The following BCAS2 variants were observed in gnomAD, a reference collection of about 807,000 sequenced individuals.
The protein encoded by BCAS2 is BCAS2 pre-mRNA processing factor.
In BCAS2, 34 loss-of-function variants were observed where a neutral mutation model predicts 35.3. The observed-to-expected ratio is 0.96, with a 90% CI of 0.73 to 1.28. BCAS2 has a LOEUF of 1.28. Ranked by LOEUF, BCAS2 falls within the 50% of genes most tolerant of loss-of-function variation. The probability of loss-of-function intolerance (pLI) is 0.00; values close to 1 mark genes in which losing one functional copy is unlikely to be tolerated. For missense variants in BCAS2, 221 were observed against 268.1 expected (o/e 0.82, Z 1.23); for synonymous variants, 75 against 91.6 (o/e 0.82, Z 1.03).
chr1:114,577,696 C>T (rs1315027782), intron 2 of BCAS2, among the ~76,000 whole-genome samples: 1 of 152,186 alleles, frequency 6.6e-6, no homozygotes, highest in Non-Finnish European at 1.5e-5. Flanking sequence ...TGTAGTATAG[C>T]TGTTCCTCTT....
At position 114,568,003 on chromosome 1, in the gene BCAS2, T is replaced by C; in HGVS notation, c.*127A>G. The C allele has an allele frequency of 1.6e-6, 2 of 1,277,710 alleles. No individual in the cohort carries two copies. Among genetic ancestry groups the C allele is most frequent in the Non-Finnish European group, 2.2e-6 (2 of 915,704 alleles). 79.1% of individuals were successfully genotyped at this position (1,277,710 alleles called of 1,614,324 possible). Reference sequence around the variant, plus strand: ...TAGAATTACCACAGCAGCCTACACCTTCTATGATTTCTAAACACTTAAACA... The same window carrying C: ...TAGAATTACCACAGCAGCCTACACCCTCTATGATTTCTAAACACTTAAACA... On this transcript the variant is annotated 3_prime_UTR_variant, in exon 7 of 7. Coordinates refer to ENST00000369541, the MANE Select transcript of BCAS2 (RefSeq NM_005872.3).
chr1:114,573,475 C>T (rs968360735), intron 4 of BCAS2, among the ~76,000 whole-genome samples: 1 of 152,096 alleles, frequency 6.6e-6, no homozygotes, highest in African/African-American at 2.4e-5. Flanking sequence ...TCAAGTGATC[C>T]TCCTGTCTCA....
intron 2 of BCAS2, among the ~76,000 whole-genome samples, chr1:114,577,070 C>T (rs1654785913): frequency 1.3e-5 from 2 of 152,122 alleles, no homozygotes; most frequent in Non-Finnish European, 2.9e-5. Flanking sequence ...AATGTTTGTC[C>T]CCTCTGAAAT....
chr1:114,574,901 G>A (rs769324455), intron 4 of BCAS2, among the ~76,000 whole-genome samples: 19 of 151,888 alleles, frequency 1.3e-4, no homozygotes, highest in Non-Finnish European at 2.5e-4. Context: ...ATGGAGTCTC[G>A]CTCTGTCACT....
At chr1:114,580,920 T>C (rs940809385) in intron 2 of BCAS2, among the ~76,000 whole-genome samples, 2 of 152,226 alleles carry the variant, frequency 1.3e-5, no homozygotes, top group Admixed American at 1.3e-4. Context: ...GACTTTAATA[T>C]GCCACTCTCC....
Position 114,581,599 on chromosome 1 carries a change from A to C in BCAS2, c.-8T>G. Reference sequence around the variant, plus strand: ...CAAACCTGTGCCCGCCATTCTGAGGACCTCAGGTTTGCCTGCGTTTTCTGC... The same window carrying C: ...CAAACCTGTGCCCGCCATTCTGAGGCCCTCAGGTTTGCCTGCGTTTTCTGC... On this transcript the variant is annotated 5_prime_UTR_variant, in exon 1 of 7. Transcript: ENST00000369541. The C allele has an allele frequency of 6.2e-7, 1 of 1,612,916 alleles. No individual in the cohort carries two copies. Among genetic ancestry groups the C allele is most frequent in the South Asian group, 1.1e-5 (1 of 91,016 alleles).
chr1:114,568,755 C>CTTTTT (rs67319421), intron 6 of BCAS2, among the ~76,000 whole-genome samples: 6 of 83,226 alleles, frequency 7.2e-5, no homozygotes, highest in African/African-American at 4.5e-5. Flanking sequence ...TCTCTGTATT[C>CTTTTT]TTTTTTTTTT....
chr1:114,574,609 TA>T (rs1654716555), intron 4 of BCAS2, among the ~76,000 whole-genome samples: 1 of 152,222 alleles, frequency 6.6e-6, no homozygotes, highest in Non-Finnish European at 1.5e-5. Context: ...AACCCATGAC[TA>T]ATGAGAATCA....
At chr1:114,576,789 AG>A (rs754575699) in intron 2 of BCAS2, 31 bp from the exon 3 acceptor site, 1 of 1,542,628 alleles carries the variant, frequency 6.5e-7, no homozygotes, top group African/African-American at 1.4e-5. Flanking sequence ...AAGATTTCTA[AG>A]ATCATGTTGA....
intron 2 of BCAS2, 104 bp downstream of exon 2, chr1:114,581,195 T>G: frequency 9.0e-7 from 1 of 1,113,722 alleles, no homozygotes; most frequent in Non-Finnish European, 1.4e-6. Flanking sequence ...AGTAGGTAAG[T>G]AGTAGCTATG....
intron 6 of BCAS2, among the ~76,000 whole-genome samples, chr1:114,568,632 G>A (rs1033254188): frequency 6.6e-6 from 1 of 151,336 alleles, no homozygotes; most frequent in Non-Finnish European, 1.5e-5. Flanking sequence ...CTCCTAATGT[G>A]CTGGGATTAC....
intron 4 of BCAS2, among the ~76,000 whole-genome samples, chr1:114,571,002 C>T (rs1163504424): frequency 6.6e-6 from 1 of 151,872 alleles, no homozygotes. Flanking sequence ...AATCCTCCCA[C>T]CTTGGCCTCC....
chr1:114,581,568 A>C lies in BCAS2; in HGVS notation c.24T>G (p.Ala8=). Residue 8 remains alanine (A), a synonymous_variant, in exon 1 of 7, where the codon GCT becomes GCG. Transcript: ENST00000369541. ...GCAGCGCATCCACCACAACCTCTCC[A>C]GCCACCAAACCTGTGCCCGCCATTC... is the stretch of plus-strand genomic sequence containing the variant. The part of the protein sequence containing the change: MAGTGLV[A]GEVVVDALPY... 2 of 1,612,816 alleles carry C rather than the reference A, an allele frequency of 1.2e-6. No homozygotes were observed. Among genetic ancestry groups the C allele is most frequent in the Non-Finnish European group, 1.7e-6 (2 of 1,179,828 alleles).
chr1:114,574,386 T>C (rs1426466123), intron 4 of BCAS2, among the ~76,000 whole-genome samples: 1 of 152,216 alleles, frequency 6.6e-6, no homozygotes, highest in Non-Finnish European at 1.5e-5. Flanking sequence ...GATCTGTTAG[T>C]GGGGCAGTTT....
In BCAS2 at chr1:114,581,598, G is replaced by A. The variant is rs375055897; in HGVS notation, c.-7C>T. The A allele has an allele frequency of 1.4e-4, 224 of 1,612,968 alleles. 1 individual carries two copies. The highest frequency in any genetic ancestry group is 4.0e-4 in the Admixed American group (24 of 59,994). ...CCAAACCTGTGCCCGCCATTCTGAGGACCTCAGGTTTGCCTGCGTTTTCTG... is the reference window on the plus strand; with the variant it reads ...CCAAACCTGTGCCCGCCATTCTGAGAACCTCAGGTTTGCCTGCGTTTTCTG... On this transcript the variant is annotated 5_prime_UTR_variant, in exon 1 of 7. Transcript: ENST00000369541.
At chr1:114,578,590 A>G (rs1654823137) in intron 2 of BCAS2, among the ~76,000 whole-genome samples, 1 of 152,176 alleles carries the variant, frequency 6.6e-6, no homozygotes, top group South Asian at 2.1e-4. Context: ...GTCTCATCTT[A>G]GCTTTGAGAG....
At chr1:114,572,267 C>T (rs1654663389) in intron 4 of BCAS2, among the ~76,000 whole-genome samples, 1 of 152,210 alleles carries the variant, frequency 6.6e-6, no homozygotes, top group African/African-American at 2.4e-5. Context: ...CCTCTCTAGG[C>T]TTTCCCTCAG....
intron 2 of BCAS2, among the ~76,000 whole-genome samples, chr1:114,579,558 T>A (rs1382045036): frequency 6.6e-6 from 1 of 152,186 alleles, no homozygotes; most frequent in Non-Finnish European, 1.5e-5. Context: ...CATAGGAACA[T>A]ACGTCTTCTA....
Position 114,569,989 on chromosome 1 carries a change from C to G in BCAS2, c.551+3G>C. 1 of 1,597,076 alleles carries G rather than the reference C, an allele frequency of 6.3e-7. No individual in the cohort carries two copies. The highest frequency in any genetic ancestry group is 8.6e-7 in the Non-Finnish European group (1 of 1,165,020). On this transcript the variant is annotated splice_donor_region_variant and intron_variant, in intron 6 of 6. Coordinates refer to ENST00000369541, the MANE Select transcript of BCAS2 (RefSeq NM_005872.3). The stretch of plus-strand genomic sequence containing the variant: ...AAAAGATGATGGAATTATAGATACT[C>G]ACTTTGACTCCATTTCTCTCAATTT...
Sources: gnomAD v4.1 joint callset for allele counts (sites outside exome capture counted in the v4.1 genomes callset) on GRCh38, gnomAD v4.1.1 for gene constraint, MANE v1.5 for transcripts, NCBI Gene and HGNC (gene_info 2026-07-23, HGNC 2026-07-21) for gene names.